IL18R1: variants seen among roughly 807,000 people sequenced by gnomAD.
IL18R1 encodes interleukin 18 receptor 1.
IL18R1 carries 40 observed loss-of-function variants against 48.5 expected under a neutral mutation model. That is an observed-to-expected ratio of 0.82 (90% CI 0.64 to 1.07). IL18R1 has a LOEUF of 1.07. Among genes scored for constraint, IL18R1 ranks in the 50% least tolerant of loss-of-function variants. The pLI, the probability that IL18R1 is intolerant of heterozygous loss-of-function variation, is 0.00. For missense variants in IL18R1, 596 were observed against 633.7 expected (o/e 0.94, Z 0.64); for synonymous variants, 232 against 225.9 (o/e 1.03, Z -0.24).
chr2:102,384,452 G>T (rs551338283), intron 6 of IL18R1, among the ~76,000 whole-genome samples: 1 of 152,256 alleles, frequency 6.6e-6, no homozygotes. Flanking sequence ...CCCTAGAAAG[G>T]ATCCTTCTTA....
At chr2:102,374,990 A>T (rs950744233) in intron 4 of IL18R1, among the ~76,000 whole-genome samples, 1 of 152,206 alleles carries the variant, frequency 6.6e-6, no homozygotes, top group African/African-American at 2.4e-5. Context: ...GCTTGAAAAA[A>T]TTAGTTTGGC....
rs538071791 is a variant in IL18R1 at position 102,360,796 on chromosome 2, G to A, written c.-28-1837G>A. ...TTAAAAACCCTTAAAATTCTTACAT[G>A]TGAGACATTTAATATTTATATTCTT... is the stretch of plus-strand genomic sequence containing the variant. On this transcript the variant is annotated intron_variant, in intron 1 of 10. Transcript: ENST00000233957. Among the ~76,000 whole-genome samples the A allele has an allele frequency of 2.0e-4, 31 of 152,230 alleles. No homozygotes were observed. In the South Asian group the frequency reaches 3.5e-3, roughly 17 times the overall value.
Position 102,394,607 on chromosome 2 carries a change from G to T in IL18R1, c.1250G>T (p.Arg417Met). The change falls in exon 10 of 11, where the codon AGG becomes ATG. Residue 417 changes from arginine (R) to methionine (M), a missense_variant. Arg to Met is a moderately conservative substitution (Grantham distance 91). Coordinates refer to ENST00000233957, the MANE Select transcript of IL18R1 (RefSeq NM_003855.5). ...GGGTATAAGTTATGCATATTTGAAA[G>T]GGATGTAGTGCCTGGAGGAGGTAAG... ...HFGYKLCIFE[R>M]DVVPGGAVVD... 1 of 1,609,958 alleles carries T rather than the reference G, an allele frequency of 6.2e-7. No homozygotes were observed. Among genetic ancestry groups the T allele is most frequent in the Non-Finnish European group, 8.5e-7 (1 of 1,177,436 alleles).
intron 9 of IL18R1, among the ~76,000 whole-genome samples, chr2:102,394,173 G>C (rs956123811): frequency 1.3e-5 from 2 of 151,938 alleles, no homozygotes; most frequent in African/African-American, 4.8e-5. Context: ...GACACCTTTG[G>C]GCTCTTGGCC....
At chr2:102,374,069 G>A (rs866273401) in intron 4 of IL18R1, 14 of 269,036 alleles carry the variant, frequency 5.2e-5, no homozygotes, top group South Asian at 1.4e-4. Context: ...AATGTAATGC[G>A]CCTGAATCAT....
chr2:102,383,209 A>G (rs1009182964), intron 6 of IL18R1, among the ~76,000 whole-genome samples: 1 of 152,214 alleles, frequency 6.6e-6, no homozygotes, highest in African/African-American at 2.4e-5. Context: ...GGCCCACAGT[A>G]TGGTATATCT....
intron 9 of IL18R1, among the ~76,000 whole-genome samples, chr2:102,392,252 TGC>T (rs1680597269): frequency 3.3e-5 from 5 of 152,296 alleles, no homozygotes; most frequent in South Asian, 2.1e-4. Flanking sequence ...CATGTGCATG[TGC>T]GAGTTTGCTA....
At chr2:102,366,767 A>C (rs960601029) in intron 2 of IL18R1, among the ~76,000 whole-genome samples, 1 of 152,190 alleles carries the variant, frequency 6.6e-6, no homozygotes. Flanking sequence ...ATGAGAACTC[A>C]CTCACTATCA....
chr2:102,388,904 C>T (rs1026947633), intron 8 of IL18R1, among the ~76,000 whole-genome samples: 12 of 152,038 alleles, frequency 7.9e-5, no homozygotes, highest in African/African-American at 2.4e-4. Context: ...GTTTTAAGCA[C>T]GTTTATGCTC....
In IL18R1 at chr2:102,356,350, TGAA is replaced by T; in HGVS notation, c.-77_-75del. On this transcript the variant is annotated 5_prime_UTR_variant, in exon 1 of 11. Transcript: ENST00000233957. ...TGGCCTCCGCAGTCGCGACCTGGCGTGAAGGAGGAGCTGCCGCCCCCGCCCCAG... is the reference window on the plus strand; with the variant it reads ...TGGCCTCCGCAGTCGCGACCTGGCGTGGAGGAGCTGCCGCCCCCGCCCCAG... 3 of 985,190 alleles carry T rather than the reference TGAA, an allele frequency of 3.0e-6. No individual in the cohort carries two copies. Among genetic ancestry groups the T allele is most frequent in the Non-Finnish European group, 3.6e-6 (3 of 829,900 alleles). The allele number at this position is 985,190 out of a possible 1,614,324, so 61.0% of individuals were successfully genotyped here. A position where few individuals can be genotyped will look rare whatever the true frequency, so the allele number is the denominator to read the frequency against.
At chr2:102,377,048 A>AT (rs1200573832) in intron 5 of IL18R1, among the ~76,000 whole-genome samples, 1 of 152,134 alleles carries the variant, frequency 6.6e-6, no homozygotes, top group Non-Finnish European at 1.5e-5. Flanking sequence ...TCCAGTCTGG[A>AT]TTTTTTTCCC....
intron 6 of IL18R1, among the ~76,000 whole-genome samples, chr2:102,384,310 G>A (rs1274721640): frequency 1.3e-5 from 2 of 152,210 alleles, no homozygotes; most frequent in Admixed American, 1.3e-4. Flanking sequence ...CGAGCGCTTA[G>A]CAGTAATTCT....
intron 5 of IL18R1, among the ~76,000 whole-genome samples, chr2:102,380,203 T>A (rs2105090019): frequency 6.6e-6 from 1 of 152,304 alleles, no homozygotes; most frequent in Non-Finnish European, 1.5e-5. Context: ...CTTCCTTCCA[T>A]GACCTACATG....
intron 8 of IL18R1, among the ~76,000 whole-genome samples, chr2:102,389,269 A>G (rs1043807351): frequency 2.0e-5 from 3 of 152,336 alleles, no homozygotes; most frequent in Admixed American, 1.3e-4. Flanking sequence ...TAAAAAGTTT[A>G]AGAGACAAAA....
Position 102,385,016 on chromosome 2 carries a change from A to C in IL18R1, c.809+18A>C, listed in dbSNP as rs1177896862. 3.8e-6 allele frequency: 5 copies of C among 1,320,960 alleles called. No individual in the cohort carries two copies. Among genetic ancestry groups the C allele is most frequent in the Non-Finnish European group, 5.4e-6 (5 of 920,276 alleles). The allele number at this position is 1,320,960 out of a possible 1,614,324, so 81.8% of individuals were successfully genotyped here. A position where few individuals can be genotyped will look rare whatever the true frequency, so the allele number is the denominator to read the frequency against. Reference sequence around the variant, plus strand: ...AGAATTATGTATGTATGTGTAATATATATGTCATGATATATACCATATAAC... The same window carrying C: ...AGAATTATGTATGTATGTGTAATATCTATGTCATGATATATACCATATAAC... On this transcript the variant is annotated intron_variant, in intron 7 of 10. Transcript: ENST00000233957.
intron 2 of IL18R1, among the ~76,000 whole-genome samples, chr2:102,364,925 G>A (rs1231025612): frequency 2.0e-5 from 3 of 152,174 alleles, no homozygotes; most frequent in Non-Finnish European, 4.4e-5. Context: ...CAGGAGCACA[G>A]CATGAGGGTA....
chr2:102,384,704 C>G (rs1207175783), intron 6 of IL18R1, among the ~76,000 whole-genome samples, 174 bp from the exon 7 acceptor site: 2 of 152,144 alleles, frequency 1.3e-5, no homozygotes, highest in African/African-American at 4.8e-5. Context: ...TAATTGCTAC[C>G]TATTTCTTCT....
intron 1 of IL18R1, among the ~76,000 whole-genome samples, chr2:102,360,945 G>A (rs11465566): frequency 0.012 from 1,883 of 152,082 alleles, 43 homozygotes; most frequent in African/African-American, 0.044. Context: ...TAAAACTTAA[G>A]TACATTAAAA....
chr2:102,379,459 A>AG (rs1422108732), intron 5 of IL18R1, among the ~76,000 whole-genome samples: 1 of 151,728 alleles, frequency 6.6e-6, no homozygotes, highest in Non-Finnish European at 1.5e-5. Flanking sequence ...AAAAAAAAAA[A>AG]AAAAAAAGGA....
Sources: allele counts gnomAD v4.1 joint callset (sites outside exome capture counted in the v4.1 genomes callset), GRCh38; gene constraint gnomAD v4.1.1; transcripts MANE v1.5; gene names NCBI Gene and HGNC (gene_info 2026-07-23, HGNC 2026-07-21).